BICD2: variants seen among roughly 807,000 people sequenced by gnomAD.
The protein encoded by BICD2 is BICD cargo adaptor 2.
Under a neutral mutation model 72.9 loss-of-function variants are expected in BICD2, and 25 were observed. The observed-to-expected ratio is 0.34, with a 90% CI of 0.25 to 0.48. The LOEUF (loss-of-function observed/expected upper bound fraction) is 0.48. Ranked by LOEUF, BICD2 falls within the 20% of genes least tolerant of loss-of-function variation. BICD2 has a pLI of 0.99. For missense variants in BICD2, 894 were observed against 1,175.2 expected (o/e 0.76, Z 3.50); for synonymous variants, 501 against 516.1 (o/e 0.97, Z 0.40).
chr9:92,730,173 C>T (rs1185731875), intron 1 of BICD2, among the ~76,000 whole-genome samples: 1 of 152,196 alleles, frequency 6.6e-6, no homozygotes, highest in African/African-American at 2.4e-5. Context: ...CAGTGTGTCA[C>T]CCCCAGCAGC....
chr9:92,754,245 T>C (rs1000268138), intron 1 of BICD2, among the ~76,000 whole-genome samples: 1 of 152,006 alleles, frequency 6.6e-6, no homozygotes, highest in Admixed American at 6.5e-5. Context: ...GGCTGGCAAC[T>C]CATCAGCTAC....
At position 92,719,510 on chromosome 9, in the gene BICD2, AGCCCC is replaced by A; in HGVS notation, c.1130_1134del (p.Arg377LeufsTer39). On this transcript the variant is annotated frameshift_variant, in exon 5 of 7. Coordinates refer to ENST00000356884, the MANE Select transcript of BICD2 (RefSeq NM_001003800.2). LOFTEE classifies it high-confidence loss of function. ...ACCTTCTCCTGCTGTTCTGACAGGGAGCCCCGCGTGTGCTCCAGCTGCTTCTGTGT... is the reference window on the plus strand; with the variant it reads ...ACCTTCTCCTGCTGTTCTGACAGGGAGCGTGTGCTCCAGCTGCTTCTGTGT... The A allele has an allele frequency of 6.2e-7, 1 of 1,613,418 alleles. No homozygotes were observed. Among genetic ancestry groups the A allele is most frequent in the Non-Finnish European group, 8.5e-7 (1 of 1,179,824 alleles).
chr9:92,755,269 C>A (rs957727871), intron 1 of BICD2, among the ~76,000 whole-genome samples: 1 of 152,192 alleles, frequency 6.6e-6, no homozygotes, highest in Non-Finnish European at 1.5e-5. Context: ...ATCTCAAAAC[C>A]CTGTCTCCTG....
chr9:92,731,677 T>TGGAAGATGGC (rs1167970756), intron 1 of BICD2, among the ~76,000 whole-genome samples: 1 of 152,048 alleles, frequency 6.6e-6, no homozygotes, highest in African/African-American at 2.4e-5. Context: ...AAGGAGGGAC[T>TGGAAGATGGC]GGAAGATGGC....
intron 6 of BICD2, 38 bp from the exon 7 acceptor site, chr9:92,715,501 G>A (rs1255508668): frequency 6.5e-7 from 1 of 1,549,488 alleles, no homozygotes; most frequent in Non-Finnish European, 8.8e-7. Flanking sequence ...GGCGGGCAGA[G>A]CCGAGCAGAG....
At chr9:92,763,051 G>A (rs556921389) in intron 1 of BICD2, among the ~76,000 whole-genome samples, 59 of 152,276 alleles carry the variant, frequency 3.9e-4, no homozygotes, top group African/African-American at 1.3e-3. Context: ...AGCGCCACTG[G>A]AGCATGCATT....
At chr9:92,730,858 C>CA (rs1306890816) in intron 1 of BICD2, among the ~76,000 whole-genome samples, 7 of 152,230 alleles carry the variant, frequency 4.6e-5, no homozygotes, top group Non-Finnish European at 8.8e-5. Flanking sequence ...CACCTGCCCC[C>CA]ACCCATCAAC....
chr9:92,729,397 CGTGCACTGTGGT>C (rs1417307227), intron 1 of BICD2, among the ~76,000 whole-genome samples, 161 bp from the exon 2 acceptor site: 1 of 152,258 alleles, frequency 6.6e-6, no homozygotes, highest in African/African-American at 2.4e-5. Context: ...GCATCTGTGG[CGTGCACTGTGGT>C]GTGCACATAT....
intron 2 of BICD2, among the ~76,000 whole-genome samples, chr9:92,725,721 T>C (rs550779093): frequency 1.2e-4 from 18 of 152,312 alleles, no homozygotes; most frequent in African/African-American, 3.4e-4. Flanking sequence ...GGTGTGACAA[T>C]TGCCTGTTTC....
In BICD2 at chr9:92,730,571, T is replaced by C. The variant is rs115214175; in HGVS notation, c.241-1335A>G. ...AAGGGGAAGACAGACTGATTGATCTTACAGCACTGTGAGGATCACAGGATC... is the reference window on the plus strand; with the variant it reads ...AAGGGGAAGACAGACTGATTGATCTCACAGCACTGTGAGGATCACAGGATC... On this transcript the variant is annotated intron_variant, in intron 1 of 6. Coordinates refer to ENST00000356884, the MANE Select transcript of BICD2 (RefSeq NM_001003800.2). Among the ~76,000 whole-genome samples, 1,371 of 152,318 alleles carry C rather than the reference T, an allele frequency of 9.0e-3. 23 individuals are homozygous for C. The highest frequency in any genetic ancestry group is 0.032 in the African/African-American group (1,323 of 41,574).
At chr9:92,742,753 C>G (rs1853923653) in intron 1 of BICD2, among the ~76,000 whole-genome samples, 1 of 152,156 alleles carries the variant, frequency 6.6e-6, no homozygotes, top group Admixed American at 6.5e-5. Context: ...CAGCTCTCCC[C>G]ACTGCCATCC....
intron 1 of BICD2, among the ~76,000 whole-genome samples, chr9:92,754,361 G>A (rs1454617168): frequency 1.3e-5 from 2 of 152,098 alleles, no homozygotes; most frequent in African/African-American, 4.8e-5. Context: ...AGGGCTCTGT[G>A]TACACTAGTG....
intron 1 of BICD2, among the ~76,000 whole-genome samples, chr9:92,730,383 G>A (rs191341672): frequency 1.3e-5 from 2 of 152,158 alleles, no homozygotes; most frequent in Admixed American, 6.5e-5. Context: ...CAAGAAAATA[G>A]GGAAAATGTA....
In BICD2 at chr9:92,764,801, A is replaced by AGCAGCCGCCGCC; in HGVS notation, c.-58_-57insGGCGGCGGCTGC. ...GGCTCTCGCAGGCCGGGCCCTCCTC[A>AGCAGCCGCCGCC]GCCGCCGCCGCTGCCGCCGCCGCCG... On this transcript the variant is annotated 5_prime_UTR_variant, in exon 1 of 7. Coordinates refer to ENST00000356884, the MANE Select transcript of BICD2 (RefSeq NM_001003800.2). This position sits in a 1 kb window ranked among gnomAD's most constrained non-coding sequence, Gnocchi z 5.5. 8.1e-7 allele frequency: 1 copy of AGCAGCCGCCGCC among 1,235,358 alleles called. No individual in the cohort carries two copies. Among genetic ancestry groups the AGCAGCCGCCGCC allele is most frequent in the African/African-American group, 1.6e-5 (1 of 63,154 alleles). 76.5% of individuals were successfully genotyped at this position (1,235,358 alleles called of 1,614,324 possible). A position where few individuals can be genotyped will look rare whatever the true frequency, so the allele number is the denominator to read the frequency against.
chr9:92,718,253 T>C (rs1184778898), intron 5 of BICD2, among the ~76,000 whole-genome samples: 1 of 152,188 alleles, frequency 6.6e-6, no homozygotes, highest in African/African-American at 2.4e-5. Context: ...TTCCCTCCAG[T>C]ATCAGGAAGC....
intron 1 of BICD2, among the ~76,000 whole-genome samples, chr9:92,745,136 G>A (rs1010396060): frequency 2.0e-5 from 3 of 152,100 alleles, no homozygotes; most frequent in Non-Finnish European, 4.4e-5. Flanking sequence ...GGCAAGAAAT[G>A]GACTTCAGAT....
At chr9:92,725,099 C>T (rs1298661088) in intron 2 of BICD2, among the ~76,000 whole-genome samples, 2 of 152,200 alleles carry the variant, frequency 1.3e-5, no homozygotes, top group Non-Finnish European at 2.9e-5. Context: ...GAGATAGTGA[C>T]ATGCCCAACT....
At chr9:92,751,998 T>TTTCC (rs1307079015) in intron 1 of BICD2, among the ~76,000 whole-genome samples, 1 of 151,746 alleles carries the variant, frequency 6.6e-6, no homozygotes, top group Non-Finnish European at 1.5e-5. Context: ...AGAGACGAGG[T>TTTCC]TTCCCCATGT....
At chr9:92,750,851 T>C (rs994016442) in intron 1 of BICD2, among the ~76,000 whole-genome samples, 1 of 152,214 alleles carries the variant, frequency 6.6e-6, no homozygotes, top group Non-Finnish European at 1.5e-5. Flanking sequence ...GTATTACAAA[T>C]GTATCAAACA....
Sources: allele counts gnomAD v4.1 joint callset (sites outside exome capture counted in the v4.1 genomes callset), GRCh38; gene constraint gnomAD v4.1.1; non-coding constraint Gnocchi (gnomAD v3.1); transcripts MANE v1.5; gene names NCBI Gene and HGNC (gene_info 2026-07-23, HGNC 2026-07-21).